The following PLET1 variants were observed in gnomAD, a reference collection of about 807,000 sequenced individuals.
PLET1 encodes placenta expressed transcript 1.
PLET1 carries 20 observed loss-of-function variants against 18.5 expected under a neutral mutation model. The ratio of observed to expected loss-of-function variants is 1.08; its 90% CI spans 0.76 to 1.57. The LOEUF (loss-of-function observed/expected upper bound fraction) is 1.57. Among genes scored for constraint, PLET1 ranks in the 40% most tolerant of loss-of-function variants. The pLI is 0.00. For synonymous variants in PLET1, 93 were observed against 93.8 expected, an observed-to-expected ratio of 0.99 and a Z score of 0.05; for missense variants, 256 against 246.4, an observed-to-expected ratio of 1.04 and a Z score of -0.26.
At chr11:112,255,611 G>A (rs1441347366) in intron 1 of PLET1, 22 bp from the exon 2 acceptor site, 21 of 1,545,290 alleles carry the variant, frequency 1.4e-5, no homozygotes, top group South Asian at 2.4e-5. Flanking sequence ...TGATGAAGAA[G>A]CAATCAGCCA....
At chr11:112,254,843 TGTG>T (rs1221410969) in intron 2 of PLET1, among the ~76,000 whole-genome samples, 1 of 134,040 alleles carries the variant, frequency 7.5e-6, no homozygotes, top group Non-Finnish European at 1.6e-5. Context: ...ATGTGTTGTG[TGTG>T]GTGTGTGTGT....
chr11:112,255,263 G>T, intron 2 of PLET1, 125 bp downstream of exon 2: 1 of 962,490 alleles, frequency 1.0e-6, no homozygotes, highest in Non-Finnish European at 1.6e-6. Flanking sequence ...CGGTAATGAA[G>T]TGCGACTGCT....
At position 112,260,751 on chromosome 11, in the gene PLET1, C is replaced by T. The variant is rs747590884; in HGVS notation, c.-162G>A. The stretch of plus-strand genomic sequence containing the variant: ...TTCTGGAATTTGGCCCAAGACATCA[C>T]CAGGAATGAATCACCAGTCACCATT... On this transcript the variant is annotated 5_prime_UTR_variant, in exon 1 of 4. It adds an upstream start codon to the 5' untranslated region. Transcript: ENST00000338832. 5 of 624,698 alleles carry T rather than the reference C, an allele frequency of 8.0e-6. No homozygotes were observed. The highest frequency in any genetic ancestry group is 1.3e-5 in the Non-Finnish European group (5 of 370,626). The allele number at this position is 624,698 out of a possible 1,614,324, so 38.7% of individuals were successfully genotyped here. A position where few individuals can be genotyped will look rare whatever the true frequency, so the allele number is the denominator to read the frequency against.
intron 2 of PLET1, among the ~76,000 whole-genome samples, chr11:112,254,885 T>C (rs1054197164): frequency 2.9e-4 from 22 of 74,642 alleles, no homozygotes; most frequent in African/African-American, 7.5e-4. Flanking sequence ...ATGTGGTATG[T>C]ATGTGTGTGG....
rs115573329 is a variant in PLET1 at position 112,259,607 on chromosome 11, G to A, written c.184+799C>T. Among the ~76,000 whole-genome samples, 758 of 152,142 alleles carry A rather than the reference G, an allele frequency of 5.0e-3. 7 individuals are homozygous for A. Among genetic ancestry groups the A allele is most frequent in the African/African-American group, 0.017 (720 of 41,502 alleles). On this transcript the variant is annotated intron_variant, in intron 1 of 3. Coordinates refer to ENST00000338832, the MANE Select transcript of PLET1 (RefSeq NM_001145024.1). The stretch of plus-strand genomic sequence containing the variant: ...CTGGGCAGGTCATTTAATTTCCCTT[G>A]GTCTCAGGCTTTTCATACATAAAGT...
At chr11:112,257,536 T>A (rs1235883979) in intron 1 of PLET1, among the ~76,000 whole-genome samples, 1 of 152,168 alleles carries the variant, frequency 6.6e-6, no homozygotes, top group East Asian at 1.9e-4. Context: ...ATGCATCCAA[T>A]GTTGTATAGT....
intron 2 of PLET1, among the ~76,000 whole-genome samples, chr11:112,254,426 G>A (rs1480180146): frequency 1.4e-5 from 2 of 147,540 alleles, no homozygotes; most frequent in Non-Finnish European, 3.0e-5. Context: ...TGGTATGTAC[G>A]TGTGTGTGGT....
intron 1 of PLET1, 39 bp from the exon 2 acceptor site, chr11:112,255,628 C>G (rs1036191484): frequency 6.5e-7 from 1 of 1,528,174 alleles, no homozygotes; most frequent in Admixed American, 2.0e-5. Context: ...GCCATCTGTT[C>G]CCTCTGAGCC....
chr11:112,255,576 C>T lies in PLET1; in HGVS notation c.198G>A (p.Val66=), dbSNP rs541086078. ...TGACCACAGCATAGACGCTGTCATT[C>T]ACGGGAACAAATACTGGGAGGAAAT... ...SNAVYSVFVP[V]NDSVYAVVMK... Residue 66 remains valine, a synonymous_variant, in exon 2 of 4, where the codon GTG becomes GTA. Coordinates refer to ENST00000338832, the MANE Select transcript of PLET1 (RefSeq NM_001145024.1). The T allele has an allele frequency of 2.0e-4, 303 of 1,551,028 alleles. 2 individuals carry two copies. The African/African-American group carries it at 3.5e-3, about 18-fold the overall frequency.
chr11:112,248,807 G>T lies in PLET1; in HGVS notation c.616C>A (p.Leu206Ile), dbSNP rs1860125571. 4.5e-6 allele frequency: 7 copies of T among 1,551,614 alleles called. No individual in the cohort carries two copies. The highest frequency in any genetic ancestry group is 3.4e-4 in the Middle Eastern group (2 of 5,968). The change falls in exon 4 of 4, where the codon CTC becomes ATC. Residue 206 changes from leucine to isoleucine, a missense_variant. Coordinates refer to ENST00000338832, the MANE Select transcript of PLET1 (RefSeq NM_001145024.1). Reference protein sequence around the residue: ...ILLAFLTSTLLF With the variant: ...ILLAFLTSTLIF ...GTTTCCCTGGCTTCCCTTTAGAAGAGAAGTGTGCTGGTGAGAAAAGCAAGC... is the reference window on the plus strand; with the variant it reads ...GTTTCCCTGGCTTCCCTTTAGAAGATAAGTGTGCTGGTGAGAAAAGCAAGC...
At chr11:112,252,797 C>T (rs768000718) in intron 2 of PLET1, among the ~76,000 whole-genome samples, 2 of 152,214 alleles carry the variant, frequency 1.3e-5, no homozygotes, top group Non-Finnish European at 2.9e-5. Flanking sequence ...GCATGATGCT[C>T]TGTTGCACTG....
chr11:112,254,732 GGTGT>G (rs902907930), intron 2 of PLET1, among the ~76,000 whole-genome samples: 12 of 118,592 alleles, frequency 1.0e-4, no homozygotes, highest in Non-Finnish European at 1.7e-4. Context: ...GTGTGTGTGT[GGTGT>G]GTGTGTGCTG....
Position 112,248,373 on chromosome 11 carries a change from T to C in PLET1, c.*426A>G, listed in dbSNP as rs1173977123. On this transcript the variant is annotated 3_prime_UTR_variant, in exon 4 of 4. Coordinates refer to ENST00000338832, the MANE Select transcript of PLET1 (RefSeq NM_001145024.1). The stretch of plus-strand genomic sequence containing the variant: ...AGTCACATGAGTCACAGAAGTTCCT[T>C]GTAACCTGAATGGGTTTGGTTAGAA... The C allele has an allele frequency of 2.6e-6, 1 of 389,050 alleles. No individual in the cohort carries two copies. Among genetic ancestry groups the C allele is most frequent in the African/African-American group, 2.1e-5 (1 of 48,396 alleles). 24.1% of individuals were successfully genotyped at this position (389,050 alleles called of 1,614,324 possible). A position where few individuals can be genotyped will look rare whatever the true frequency, so the allele number is the denominator to read the frequency against.
At chr11:112,256,320 T>G (rs1393184368) in intron 1 of PLET1, among the ~76,000 whole-genome samples, 1 of 152,224 alleles carries the variant, frequency 6.6e-6, no homozygotes, top group Non-Finnish European at 1.5e-5. Flanking sequence ...GTATTGTTCT[T>G]TCCTGGGCCC....
Position 112,255,389 on chromosome 11 carries a change from G to A in PLET1, c.385C>T (p.Gln129Ter), listed in dbSNP as rs1403723525. The A allele has an allele frequency of 6.4e-7, 1 of 1,551,982 alleles. No individual in the cohort carries two copies. Among genetic ancestry groups the A allele is most frequent in the African/African-American group, 1.4e-5 (1 of 72,998 alleles). ...AAGCAAAGCAAGCTAGGTTCTTACT[G>A]TATCTCCACTTCAGTTATGTTCTCA... ...EPENITEVEI[Q>*]AFTVQIRALP... Residue 129 changes from glutamine to a stop codon, truncating the protein, a stop_gained and splice_region_variant, in exon 2 of 4, where the codon CAA (glutamine) becomes TAA (stop). Transcript: ENST00000338832. LOFTEE classifies it high-confidence loss of function.
intron 1 of PLET1, among the ~76,000 whole-genome samples, chr11:112,256,520 C>T (rs903174489): frequency 1.3e-5 from 2 of 152,142 alleles, no homozygotes; most frequent in Non-Finnish European, 2.9e-5. Flanking sequence ...CTTGCATGCC[C>T]GCTTTGCACC....
chr11:112,253,836 C>G (rs967296956), intron 2 of PLET1, among the ~76,000 whole-genome samples: 1 of 152,182 alleles, frequency 6.6e-6, no homozygotes, highest in African/African-American at 2.4e-5. Context: ...CATGGCTGTT[C>G]AAGCTGACAC....
In PLET1 at chr11:112,248,676, G is replaced by T; in HGVS notation, c.*123C>A. ...TTTGTTTTGGTCTGAAGCCGTGGCA[G>T]CAAAGTTGCACATTTGAGAATGTAA... On this transcript the variant is annotated 3_prime_UTR_variant, in exon 4 of 4. Coordinates refer to ENST00000338832, the MANE Select transcript of PLET1 (RefSeq NM_001145024.1). The T allele has an allele frequency of 1.7e-6, 2 of 1,170,326 alleles. No homozygotes were observed. The highest frequency in any genetic ancestry group is 1.2e-6 in the Non-Finnish European group (1 of 841,390). 72.5% of individuals were successfully genotyped at this position (1,170,326 alleles called of 1,614,324 possible).
intron 3 of PLET1, among the ~76,000 whole-genome samples, chr11:112,249,676 G>C (rs1412482337): frequency 6.6e-6 from 1 of 152,148 alleles, no homozygotes; most frequent in Admixed American, 6.5e-5. Flanking sequence ...GGTCTGTAAG[G>C]AAGAGGAAGA....
Sources: gnomAD v4.1 joint callset for allele counts (sites outside exome capture counted in the v4.1 genomes callset) on GRCh38, gnomAD v4.1.1 for gene constraint, MANE v1.5 for transcripts, NCBI Gene and HGNC (gene_info 2026-07-23, HGNC 2026-07-21) for gene names.